TGFBRAP1: variants seen among roughly 807,000 people sequenced by gnomAD.
The protein encoded by TGFBRAP1 is transforming growth factor beta receptor associated protein 1.
TGFBRAP1 carries 20 observed loss-of-function variants against 83.2 expected under a neutral mutation model. The ratio of observed to expected loss-of-function variants is 0.24; its 90% CI spans 0.17 to 0.35. TGFBRAP1 has a LOEUF of 0.35. Ranked by LOEUF, TGFBRAP1 falls within the 10% of genes least tolerant of loss-of-function variation. The pLI is 1.00. For synonymous variants in TGFBRAP1, 415 were observed against 459.8 expected, an observed-to-expected ratio of 0.90 and a Z score of 1.25; for missense variants, 950 against 1,099.4, an observed-to-expected ratio of 0.86 and a Z score of 1.92.
At chr2:105,275,879 GAA>G (rs1402242557) in intron 7 of TGFBRAP1, among the ~76,000 whole-genome samples, 176 bp from the exon 8 acceptor site, 1 of 151,068 alleles carries the variant, frequency 6.6e-6, no homozygotes, top group Non-Finnish European at 1.5e-5. Context: ...GAGAAATAAA[GAA>G]ATGTAAAAAG....
At chr2:105,259,386 G>A in the TGFBRAP1 span, among the ~76,000 whole-genome samples, 5 of 152,158 alleles carry the variant, frequency 3.3e-5, no homozygotes, top group African/African-American at 1.2e-4. Context: ...GCCCTCCCAG[G>A]AAAGTGAGGA....
chr2:105,270,624 C>T (rs907646632), intron 10 of TGFBRAP1, among the ~76,000 whole-genome samples: 9 of 152,202 alleles, frequency 5.9e-5, no homozygotes, highest in African/African-American at 2.2e-4. Context: ...TGAATCTTGG[C>T]TGTCGCTTAG....
chr2:105,322,016 T>C (rs1679081839), intron 1 of TGFBRAP1, among the ~76,000 whole-genome samples: 3 of 152,230 alleles, frequency 2.0e-5, no homozygotes, highest in South Asian at 4.1e-4. Context: ...GAAGAAGAAA[T>C]TGTTATCACA....
intron 10 of TGFBRAP1, among the ~76,000 whole-genome samples, chr2:105,270,526 G>T (rs958980500): frequency 1.3e-5 from 2 of 152,216 alleles, no homozygotes; most frequent in Non-Finnish European, 2.9e-5. Flanking sequence ...ATCCTCAAGA[G>T]ATTATAAGAT....
At chr2:105,315,197 GGATAA>G (rs1469581118) in intron 1 of TGFBRAP1, among the ~76,000 whole-genome samples, 4 of 151,916 alleles carry the variant, frequency 2.6e-5, no homozygotes, top group Non-Finnish European at 5.9e-5. Flanking sequence ...AGATCCTTAT[GGATAA>G]AATAATAAAA....
In TGFBRAP1 at chr2:105,308,292, T is replaced by C. The variant is rs1181283863; in HGVS notation, c.10A>G (p.Ile4Val). 1 of 1,608,186 alleles carries C rather than the reference T, an allele frequency of 6.2e-7. No homozygotes were observed. The highest frequency in any genetic ancestry group is 8.5e-7 in the Non-Finnish European group (1 of 1,175,058). The change falls in exon 2 of 12, where the codon ATC becomes GTC. Residue 4 changes from isoleucine to valine, a missense_variant. Ile to Val is a conservative substitution (Grantham distance 29). Transcript: ENST00000393359. ...GCAGAGACAAGCGTAAAGGCTTTGA[T>C]GCTCATCATGTCTACTGGCTGATCT... MMSIKAFTLVSAVE... is the reference protein window; with the variant it reads MMSVKAFTLVSAVE...
intron 7 of TGFBRAP1, 106 bp downstream of exon 7, chr2:105,277,508 C>CTCG: frequency 1.0e-6 from 1 of 984,136 alleles, no homozygotes; most frequent in Non-Finnish European, 1.6e-6. Flanking sequence ...GGGTGTAGAT[C>CTCG]AGGCAAAAGT....
chr2:105,251,518 G>A, the TGFBRAP1 span, among the ~76,000 whole-genome samples: 2 of 146,652 alleles, frequency 1.4e-5, no homozygotes, highest in African/African-American at 2.6e-5. Context: ...GGAGGGAGGT[G>A]GGGGGGGATC....
In TGFBRAP1 at chr2:105,284,237, C is replaced by T. The variant is rs145305949; in HGVS notation, c.1121+79G>A. The T allele has an allele frequency of 4.1e-4, 556 of 1,367,628 alleles. 2 individuals are homozygous for T. The highest frequency in any genetic ancestry group is 3.9e-3 in the African/African-American group (275 of 70,046). 84.7% of individuals were successfully genotyped at this position (1,367,628 alleles called of 1,614,324 possible). Reference sequence around the variant, plus strand: ...TCTAACCATGCAACACATCCCACCGCGACGTCACACCAGAAACGCAGGTTC... The same window carrying T: ...TCTAACCATGCAACACATCCCACCGTGACGTCACACCAGAAACGCAGGTTC... On this transcript the variant is annotated intron_variant, in intron 5 of 11. Coordinates refer to ENST00000393359, the MANE Select transcript of TGFBRAP1 (RefSeq NM_004257.6).
intron 4 of TGFBRAP1, among the ~76,000 whole-genome samples, chr2:105,289,290 A>C (rs576889627): frequency 6.6e-6 from 1 of 152,334 alleles, no homozygotes; most frequent in Non-Finnish European, 1.5e-5. Flanking sequence ...TGATGTGCTA[A>C]GGAAGAAAAA....
At chr2:105,314,264 T>TC (rs1420913931) in intron 1 of TGFBRAP1, among the ~76,000 whole-genome samples, 117 of 148,826 alleles carry the variant, frequency 7.9e-4, no homozygotes, top group African/African-American at 2.8e-3. Context: ...TTTTTTTTTT[T>TC]TTTTTTGAGA....
At chr2:105,288,553 T>C (rs1677793158) in intron 4 of TGFBRAP1, among the ~76,000 whole-genome samples, 1 of 152,190 alleles carries the variant, frequency 6.6e-6, no homozygotes, top group Non-Finnish European at 1.5e-5. Context: ...TATGTTATAA[T>C]GCCCCATAAC....
At chr2:105,256,451 G>A in the TGFBRAP1 span, among the ~76,000 whole-genome samples, 2 of 152,040 alleles carry the variant, frequency 1.3e-5, no homozygotes, top group East Asian at 1.9e-4. Context: ...TGGCTTACCC[G>A]CACTGCCCAC....
At chr2:105,304,514 G>T (rs1304237424) in intron 2 of TGFBRAP1, among the ~76,000 whole-genome samples, 3 of 152,254 alleles carry the variant, frequency 2.0e-5, no homozygotes, top group Non-Finnish European at 4.4e-5. Context: ...TGGGCACAGT[G>T]GCTCACGCCT....
At position 105,272,936 on chromosome 2, in the gene TGFBRAP1, C is replaced by T. The variant is rs1162576473; in HGVS notation, c.1891G>A (p.Gly631Ser). The change falls in exon 10 of 12, where the codon GGT becomes AGT. Residue 631 changes from glycine to serine, a missense_variant. By Grantham distance (56) the Gly-to-Ser change is moderately conservative. Coordinates refer to ENST00000393359, the MANE Select transcript of TGFBRAP1 (RefSeq NM_004257.6). Reference protein sequence around the residue: ...LLQRASASGKGAEATETQAKL... With the variant: ...LLQRASASGKSAEATETQAKL... ...GCCTGCGTCTCGGTGGCCTCTGCAC[C>T]CTTGCCACTGGCGGAGGCCCTCTGC... 1.9e-6 allele frequency: 3 copies of T among 1,612,382 alleles called. No individual in the cohort carries two copies. The highest frequency in any genetic ancestry group is 1.3e-5 in the African/African-American group (1 of 75,000).
chr2:105,278,948 C>T (rs569078242), intron 6 of TGFBRAP1, among the ~76,000 whole-genome samples: 4 of 152,068 alleles, frequency 2.6e-5, no homozygotes, highest in South Asian at 4.2e-4. Context: ...CCAATACCCA[C>T]GTGGAAGGCT....
intron 4 of TGFBRAP1, among the ~76,000 whole-genome samples, chr2:105,288,061 T>C (rs1485182788): frequency 6.6e-6 from 1 of 152,130 alleles, no homozygotes; most frequent in Admixed American, 6.5e-5. Flanking sequence ...ATGGAGTCAT[T>C]TACTGCAACT....
intron 6 of TGFBRAP1, among the ~76,000 whole-genome samples, chr2:105,279,003 G>A (rs1332066617): frequency 6.6e-6 from 1 of 151,972 alleles, no homozygotes; most frequent in East Asian, 1.9e-4. Context: ...GTCTCTGTGG[G>A]AGTTCATCCA....
intron 4 of TGFBRAP1, among the ~76,000 whole-genome samples, chr2:105,293,428 A>G (rs532631244): frequency 6.6e-6 from 1 of 152,312 alleles, no homozygotes; most frequent in East Asian, 1.9e-4. Flanking sequence ...CCCACAGTCA[A>G]ACTTCTTGAC....
Sources: allele counts gnomAD v4.1 joint callset (sites outside exome capture counted in the v4.1 genomes callset), GRCh38; gene constraint gnomAD v4.1.1; transcripts MANE v1.5; gene names NCBI Gene and HGNC (gene_info 2026-07-23, HGNC 2026-07-21).